Variants in RIC3 observed in about 807,000 individuals in gnomAD.
RIC3 encodes protein RIC-3.
A neutral mutation model predicts 27.3 loss-of-function variants in RIC3; 28 were observed. That is an observed-to-expected ratio of 1.02 (90% confidence interval 0.76 to 1.41). The LOEUF (loss-of-function observed/expected upper bound fraction) is 1.41. RIC3 is among the 40% of genes most tolerant of loss of function. The probability of loss-of-function intolerance (pLI) is 0.00; values close to 1 mark genes in which losing one functional copy is unlikely to be tolerated. For missense variants in RIC3, 501 were observed against 444.7 expected (o/e 1.13, Z -1.14); for synonymous variants, 184 against 160.4 (o/e 1.15, Z -1.11).
intron 4 of RIC3, among the ~76,000 whole-genome samples, chr11:8,134,843 G>A (rs770051384): frequency 1.3e-5 from 2 of 152,086 alleles, no homozygotes; most frequent in African/African-American, 4.8e-5. Context: ...TGATGGGGTT[G>A]TTTTTTTCTT....
At chr11:8,119,539 T>G (rs1946225519) in intron 5 of RIC3, among the ~76,000 whole-genome samples, 3 of 152,144 alleles carry the variant, frequency 2.0e-5, no homozygotes, top group Admixed American at 2.0e-4. Context: ...TATACAAAAA[T>G]TAATTCAAGA....
intron 1 of RIC3, among the ~76,000 whole-genome samples, chr11:8,148,393 T>C (rs1392299212): frequency 6.6e-6 from 1 of 152,218 alleles, no homozygotes; most frequent in African/African-American, 2.4e-5. Flanking sequence ...AAAGCATGCC[T>C]AGCCAGCATT....
chr11:8,158,633 A>C, intron 1 of RIC3, among the ~76,000 whole-genome samples: 1 of 150,994 alleles, frequency 6.6e-6, no homozygotes, highest in Admixed American at 6.6e-5. Flanking sequence ...GCTCTGATGA[A>C]ATGAAAGGAG....
In RIC3 at chr11:8,137,314, G is replaced by A. The variant is rs751247126; in HGVS notation, c.521+64C>T. On this transcript the variant is annotated intron_variant, in intron 4 of 5. Transcript: ENST00000309737. ...GCTGGGATTAGAGGCCTCGGCCACT[G>A]CACCCAGCCTGAATTTATTTTCTAA... 18 of 1,471,488 alleles carry A rather than the reference G, an allele frequency of 1.2e-5. 1 individual carries two copies. In the Middle Eastern group the frequency reaches 5.2e-4, roughly 42 times the overall value. The allele number at this position is 1,471,488 out of a possible 1,614,324, so 91.2% of individuals were successfully genotyped here.
At chr11:8,126,076 C>G (rs796384473) in intron 5 of RIC3, among the ~76,000 whole-genome samples, 3 of 152,074 alleles carry the variant, frequency 2.0e-5, no homozygotes, top group African/African-American at 7.2e-5. Flanking sequence ...TACCTTAAAC[C>G]CAAAAATCTC....
intron 5 of RIC3, among the ~76,000 whole-genome samples, chr11:8,118,196 C>T (rs1946070763): frequency 6.9e-6 from 1 of 144,782 alleles, no homozygotes; most frequent in Non-Finnish European, 1.5e-5. Context: ...GCACTCAAGC[C>T]TGGGCATGAC....
At chr11:8,157,762 A>C (rs987171389) in intron 1 of RIC3, among the ~76,000 whole-genome samples, 1 of 152,202 alleles carries the variant, frequency 6.6e-6, no homozygotes, top group Non-Finnish European at 1.5e-5. Flanking sequence ...TTATCCTGCC[A>C]GTTTTCAATT....
At chr11:8,125,030 G>C (rs1173784670) in intron 5 of RIC3, among the ~76,000 whole-genome samples, 1 of 152,042 alleles carries the variant, frequency 6.6e-6, no homozygotes, top group Admixed American at 6.6e-5. Flanking sequence ...GAAGTGGGTG[G>C]ATCACAAGGT....
chr11:8,129,016 A>G (rs1481669835), intron 4 of RIC3, among the ~76,000 whole-genome samples: 1 of 151,938 alleles, frequency 6.6e-6, no homozygotes, highest in Non-Finnish European at 1.5e-5. Flanking sequence ...GGCCTCCCAA[A>G]GTGCTGGGAT....
At chr11:8,147,290 T>C (rs117841648) in intron 1 of RIC3, among the ~76,000 whole-genome samples, 367 of 152,324 alleles carry the variant, frequency 2.4e-3, no homozygotes, top group Non-Finnish European at 4.3e-3. Flanking sequence ...TGGGCACATG[T>C]CGTCAGGACT....
chr11:8,128,235 CTT>C (rs1947222070), intron 4 of RIC3: 1 of 457,266 alleles, frequency 2.2e-6, no homozygotes, highest in African/African-American at 2.0e-5. Flanking sequence ...ATCACAAACT[CTT>C]GTCTCTTCAG....
At chr11:8,149,690 C>G (rs1950048293) in intron 1 of RIC3, among the ~76,000 whole-genome samples, 1 of 152,188 alleles carries the variant, frequency 6.6e-6, no homozygotes, top group African/African-American at 2.4e-5. Context: ...GATGGGTCAT[C>G]TCTTGGCCAA....
chr11:8,138,040 T>C (rs1948614606), intron 3 of RIC3, among the ~76,000 whole-genome samples: 1 of 152,222 alleles, frequency 6.6e-6, no homozygotes, highest in African/African-American at 2.4e-5. Flanking sequence ...ATTCCAAACG[T>C]GAAATATTAA....
At chr11:8,118,048 C>T (rs1424668091) in intron 5 of RIC3, among the ~76,000 whole-genome samples, 1 of 151,484 alleles carries the variant, frequency 6.6e-6, no homozygotes, top group Non-Finnish European at 1.5e-5. Flanking sequence ...CGGTGAAACC[C>T]CATCTCTACT....
Position 8,136,500 on chromosome 11 carries a change from G to A in RIC3, c.521+878C>T, listed in dbSNP as rs530602180. Among the ~76,000 whole-genome samples, 58 of 152,174 alleles carry A rather than the reference G, an allele frequency of 3.8e-4. 1 individual carries two copies. Among genetic ancestry groups the A allele is most frequent in the Middle Eastern group, 3.4e-3 (1 of 294 alleles). ...TCCTTCTTGGCCTTTCTATATCCACGTTTTCTTGGTTGTTGTCCACTTCTA... is the reference window on the plus strand; with the variant it reads ...TCCTTCTTGGCCTTTCTATATCCACATTTTCTTGGTTGTTGTCCACTTCTA... On this transcript the variant is annotated intron_variant, in intron 4 of 5. Transcript: ENST00000309737.
the RIC3 span, chr11:8,100,405 G>A: frequency 3.3e-6 from 3 of 912,566 alleles, no homozygotes; most frequent in South Asian, 1.4e-5. Context: ...GAGTGGAGAT[G>A]GTGGGAACTA....
At chr11:8,118,004 C>T (rs1286101111) in intron 5 of RIC3, among the ~76,000 whole-genome samples, 1 of 151,692 alleles carries the variant, frequency 6.6e-6, no homozygotes, top group African/African-American at 2.4e-5. Flanking sequence ...GGGCAGATCA[C>T]GAGGTCAGGA....
chr11:8,143,281 A>C (rs1673428317), intron 1 of RIC3, among the ~76,000 whole-genome samples: 1 of 151,892 alleles, frequency 6.6e-6, no homozygotes, highest in African/African-American at 2.4e-5. Context: ...AGAAAACCCC[A>C]TTGTCTCAGC....
At chr11:8,149,208 A>G (rs1442002880) in intron 1 of RIC3, among the ~76,000 whole-genome samples, 1 of 150,726 alleles carries the variant, frequency 6.6e-6, no homozygotes, top group East Asian at 1.9e-4. Flanking sequence ...ATAAATAAAT[A>G]AATAATATAA....
Sources: gnomAD v4.1 joint callset for allele counts (sites outside exome capture counted in the v4.1 genomes callset) on GRCh38, gnomAD v4.1.1 for gene constraint, MANE v1.5 for transcripts, NCBI Gene and HGNC (gene_info 2026-07-23, HGNC 2026-07-21) for gene names.